The following ZNF462 variants were observed in gnomAD, a reference collection of about 807,000 sequenced individuals.
ZNF462 encodes the protein zinc finger PBX1-interacting protein.
A neutral mutation model predicts 201.9 loss-of-function variants in ZNF462; 10 were observed. That is an observed-to-expected ratio of 0.05 (90% confidence interval 0.03 to 0.08). The LOEUF is 0.08. ZNF462 is among the 10% of genes least tolerant of loss of function. The pLI is 1.00. For synonymous variants in ZNF462, 1,227 were observed against 1,193.3 expected (o/e 1.03, Z -0.58); for missense variants, 2,523 against 3,168.3 (o/e 0.80, Z 4.89).
intron 1 of ZNF462, among the ~76,000 whole-genome samples, chr9:106,901,417 A>G (rs1198969308): frequency 1.3e-5 from 2 of 152,152 alleles, no homozygotes; most frequent in African/African-American, 2.4e-5. Flanking sequence ...TTGGTTCCAT[A>G]TGAATTTTAG....
chr9:106,965,952 C>A (rs1195331814), intron 7 of ZNF462, among the ~76,000 whole-genome samples: 1 of 152,040 alleles, frequency 6.6e-6, no homozygotes, highest in Non-Finnish European at 1.5e-5. Flanking sequence ...TTTTTAGCTG[C>A]CCTCTTACCT....
chr9:106,881,043 C>T (rs923071227), intron 1 of ZNF462, among the ~76,000 whole-genome samples: 11 of 152,150 alleles, frequency 7.2e-5, no homozygotes, highest in Non-Finnish European at 1.0e-4. Context: ...CCCTTTCCTG[C>T]GTCATTCCAG....
chr9:106,982,703 C>A (rs549097059), intron 9 of ZNF462, among the ~76,000 whole-genome samples: 12 of 152,252 alleles, frequency 7.9e-5, no homozygotes, highest in African/African-American at 2.4e-4. Flanking sequence ...GTTGCAGATA[C>A]CACCTTCCAC....
intron 1 of ZNF462, among the ~76,000 whole-genome samples, chr9:106,877,450 A>G (rs1437717953): frequency 6.6e-6 from 1 of 151,752 alleles, no homozygotes; most frequent in African/African-American, 2.4e-5. Flanking sequence ...GTGCAGTGGC[A>G]TGATCTCAAG....
At chr9:106,916,997 C>T (rs900601287) in intron 1 of ZNF462, among the ~76,000 whole-genome samples, 6 of 152,226 alleles carry the variant, frequency 3.9e-5, no homozygotes, top group Admixed American at 3.9e-4. Context: ...TTATTCAAAT[C>T]ACACGCTTCC....
At position 106,895,888 on chromosome 9, in the gene ZNF462, G is replaced by A. The variant is rs1451218698; in HGVS notation, c.-30-27466G>A. Reference sequence around the variant, plus strand: ...ATTCATAGACAAACCATTCAGTCTGGTTATGATGTTCACCTCCCCTCTACA... The same window carrying A: ...ATTCATAGACAAACCATTCAGTCTGATTATGATGTTCACCTCCCCTCTACA... On this transcript the variant is annotated intron_variant, in intron 1 of 12. Coordinates refer to ENST00000277225, the MANE Select transcript of ZNF462 (RefSeq NM_021224.6). This position sits in a 1 kb window ranked among gnomAD's most constrained non-coding sequence, Gnocchi z 4.4. 6.6e-6 allele frequency among the ~76,000 whole-genome samples: 1 copy of A among 152,010 alleles called. No individual in the cohort carries two copies. Among genetic ancestry groups the A allele is most frequent in the African/African-American group, 2.4e-5 (1 of 41,388 alleles).
chr9:106,916,916 A>T (rs1372451689), intron 1 of ZNF462, among the ~76,000 whole-genome samples: 3 of 152,336 alleles, frequency 2.0e-5, no homozygotes, highest in African/African-American at 7.2e-5. Context: ...CAGACAATGA[A>T]GTCTAAAGCT....
chr9:106,972,168 A>G lies in ZNF462; in HGVS notation c.6591A>G (p.Glu2197=). Residue 2197 remains glutamate (E), a synonymous_variant, in exon 8 of 13, where the codon GAA becomes GAG. Coordinates refer to ENST00000277225, the MANE Select transcript of ZNF462 (RefSeq NM_021224.6). The surrounding 1 kb of genome is among the most constrained non-coding windows in gnomAD (Gnocchi z 4.8). ...TEAVLHCEFC[E]FSSGYIQSIR... ...CCGTGCTTCACTGCGAATTCTGTGA[A>G]TTCTCCTCCGGCTACATCCAGAGCA... 6.8e-6 allele frequency: 11 copies of G among 1,614,228 alleles called. No individual in the cohort carries two copies. The highest frequency in any genetic ancestry group is 9.3e-6 in the Non-Finnish European group (11 of 1,180,036).
rs1415783504 is a variant in ZNF462, at chr9:106,932,626, C to T, written c.6116+77C>T. 7 of 1,588,748 alleles carry T rather than the reference C, an allele frequency of 4.4e-6. No homozygotes were observed. The African/African-American group carries it at 6.7e-5, about 15-fold the overall frequency. On this transcript the variant is annotated intron_variant, in intron 5 of 12. Transcript: ENST00000277225. This position sits in a 1 kb window ranked among gnomAD's most constrained non-coding sequence, Gnocchi z 6.8. ...GGAAGGCACTAAGCTAAAGCAGAAG[C>T]TTGGATGAGTAAGAAGGCCCCACTC...
rs1157491100 is a variant in ZNF462 at position 106,984,830 on chromosome 9, G to A, written c.7056+421G>A. ...GGTTTGGCAGTTTCTATAAAGGACCGGAGAGCAAATATTTTAGCCTTTGCA... is the reference window on the plus strand; with the variant it reads ...GGTTTGGCAGTTTCTATAAAGGACCAGAGAGCAAATATTTTAGCCTTTGCA... On this transcript the variant is annotated intron_variant, in intron 10 of 12. Coordinates refer to ENST00000277225, the MANE Select transcript of ZNF462 (RefSeq NM_021224.6). The surrounding 1 kb of genome is among the most constrained non-coding windows in gnomAD (Gnocchi z 6.4). 1.3e-5 allele frequency among the ~76,000 whole-genome samples: 2 copies of A among 152,204 alleles called. No individual in the cohort carries two copies. Among genetic ancestry groups the A allele is most frequent in the South Asian group, 2.1e-4 (1 of 4,830 alleles).
chr9:106,874,250 C>T (rs796745411), intron 1 of ZNF462, among the ~76,000 whole-genome samples: 33 of 152,296 alleles, frequency 2.2e-4, no homozygotes, highest in African/African-American at 7.9e-4. Flanking sequence ...CCTTGGACAG[C>T]GTAAACTGTG....
intron 10 of ZNF462, among the ~76,000 whole-genome samples, chr9:106,996,988 A>G (rs1217826370): frequency 6.6e-6 from 1 of 152,156 alleles, no homozygotes; most frequent in Non-Finnish European, 1.5e-5. Context: ...CTTGCTTGAT[A>G]AGAGGTAGTT....
In ZNF462 at chr9:106,926,226, C is replaced by G; in HGVS notation, c.2314C>G (p.Pro772Ala). 6.2e-7 allele frequency: 1 copy of G among 1,614,174 alleles called. No individual in the cohort carries two copies. The highest frequency in any genetic ancestry group is 8.5e-7 in the Non-Finnish European group (1 of 1,180,042). The change falls in exon 3 of 13, where the codon CCC (proline) becomes GCC (alanine). Residue 772 changes from proline (P) to alanine (A), a missense_variant. Physicochemically the swap from Pro to Ala is conservative, Grantham distance 27. This residue lies in a region of ZNF462 where 383 missense variants were observed against 453.4 expected (regional missense o/e 0.84). Transcript: ENST00000277225. This position sits in a 1 kb window ranked among gnomAD's most constrained non-coding sequence, Gnocchi z 7.9. Reference protein sequence around the residue: ...VRDTSEPQKEPNFRNITHDYN... With the variant: ...VRDTSEPQKEANFRNITHDYN... Reference sequence around the variant, plus strand: ...AGATACCAGTGAGCCCCAGAAAGAGCCCAACTTCAGAAACATCACCCACGA... The same window carrying G: ...AGATACCAGTGAGCCCCAGAAAGAGGCCAACTTCAGAAACATCACCCACGA...
At position 106,917,121 on chromosome 9, in the gene ZNF462, CTGT is replaced by C. The variant is rs1829805999; in HGVS notation, c.-30-6232_-30-6230del. On this transcript the variant is annotated intron_variant, in intron 1 of 12. Transcript: ENST00000277225. This position sits in a 1 kb window ranked among gnomAD's most constrained non-coding sequence, Gnocchi z 4.5. ...TCCAGAAGGTATGTAGTATCTCTTTCTGTATGAGACACTTACTACCTGCTTTCA... is the reference window on the plus strand; with the variant it reads ...TCCAGAAGGTATGTAGTATCTCTTTCATGAGACACTTACTACCTGCTTTCA... 3.9e-5 allele frequency among the ~76,000 whole-genome samples: 6 copies of C among 152,224 alleles called. No homozygotes were observed. Among genetic ancestry groups the C allele is most frequent in the Non-Finnish European group, 8.8e-5 (6 of 68,050 alleles).
intron 1 of ZNF462, among the ~76,000 whole-genome samples, chr9:106,899,112 CAT>C (rs963219658): frequency 3.3e-5 from 5 of 151,600 alleles, no homozygotes; most frequent in South Asian, 2.1e-4. Context: ...GCTAATAAAT[CAT>C]AGAGTCGGGA....
chr9:106,914,450 G>A (rs78111985), intron 1 of ZNF462, among the ~76,000 whole-genome samples: 2,431 of 152,242 alleles, frequency 0.016, 25 homozygotes, highest in Non-Finnish European at 0.024. Context: ...CCCAAGTTGG[G>A]GCAAGCGGGG....
At position 106,902,444 on chromosome 9, in the gene ZNF462, T is replaced by C; in HGVS notation, c.-30-20910T>C. On this transcript the variant is annotated intron_variant, in intron 1 of 12. Coordinates refer to ENST00000277225, the MANE Select transcript of ZNF462 (RefSeq NM_021224.6). This position sits in a 1 kb window ranked among gnomAD's most constrained non-coding sequence, Gnocchi z 4.2. ...GTGCTGCTGGATTCATAGAATGAATTAGGGAGGGTTCTCTCTCTCTCTCTG... is the reference window on the plus strand; with the variant it reads ...GTGCTGCTGGATTCATAGAATGAATCAGGGAGGGTTCTCTCTCTCTCTCTG... Among the ~76,000 whole-genome samples, 1 of 152,088 alleles carries C rather than the reference T, an allele frequency of 6.6e-6. No individual in the cohort carries two copies. The highest frequency in any genetic ancestry group is 1.5e-5 in the Non-Finnish European group (1 of 68,022).
chr9:106,903,206 T>C (rs1183307552), intron 1 of ZNF462, among the ~76,000 whole-genome samples: 1 of 152,202 alleles, frequency 6.6e-6, no homozygotes, highest in Non-Finnish European at 1.5e-5. Context: ...CAGGACCAGA[T>C]TATTTAATTT....
At chr9:106,942,214 C>T (rs539970436) in intron 7 of ZNF462, among the ~76,000 whole-genome samples, 4 of 152,134 alleles carry the variant, frequency 2.6e-5, no homozygotes, top group African/African-American at 4.8e-5. Context: ...AAATGCTTGC[C>T]GTCTTGAGAG....
Sources: gnomAD v4.1 joint callset for allele counts (sites outside exome capture counted in the v4.1 genomes callset) on GRCh38, gnomAD v4.1.1 for gene constraint, gnomAD v4.1.1 regional missense constraint, Gnocchi (gnomAD v3.1) non-coding constraint, MANE v1.5 for transcripts, NCBI Gene and HGNC (gene_info 2026-07-23, HGNC 2026-07-21) for gene names.